The following MTERF4 variants were observed in gnomAD, a reference collection of about 807,000 sequenced individuals.
MTERF4 encodes mitochondrial transcription termination factor 4.
Under a neutral mutation model 22.5 loss-of-function variants are expected in MTERF4, and 17 were observed. The ratio of observed to expected loss-of-function variants is 0.75; its 90% CI spans 0.52 to 1.13. The LOEUF is 1.13. Ranked by LOEUF, MTERF4 falls within the 50% of genes most tolerant of loss-of-function variation. The pLI is 0.00. For synonymous variants in MTERF4, 165 were observed against 175.3 expected, an observed-to-expected ratio of 0.94 and a Z score of 0.47; for missense variants, 420 against 466.8, an observed-to-expected ratio of 0.90 and a Z score of 0.92.
chr2:241,073,416 G>C lies in MTERF4; in HGVS notation n.2746C>G. On this transcript the variant is annotated non_coding_transcript_exon_variant, in exon 5 of 5. Coordinates refer to the MTERF4 transcript ENST00000464344. This position sits in a 1 kb window ranked among gnomAD's most constrained non-coding sequence, Gnocchi z 6.6. ...TTGGGACTGACTGACTGCTCTCAGG[G>C]GCCTTAGAGGCTGCAGGCAGGAGGG... is the stretch of plus-strand genomic sequence containing the variant. The C allele has an allele frequency of 7.0e-7, 1 of 1,427,632 alleles. No homozygotes were observed. The highest frequency in any genetic ancestry group is 9.7e-7 in the Non-Finnish European group (1 of 1,034,338). 88.4% of individuals were successfully genotyped at this position (1,427,632 alleles called of 1,614,324 possible). A position where few individuals can be genotyped will look rare whatever the true frequency, so the allele number is the denominator to read the frequency against.
chr2:241,063,370 G>T, the MTERF4 span: 6 of 589,014 alleles, frequency 1.0e-5, no homozygotes, highest in Non-Finnish European at 1.9e-5. Flanking sequence ...GGAAGGCATG[G>T]CCTGGAGGTG....
chr2:241,070,299 G>C, downstream of MTERF4: 2 of 1,289,096 alleles, frequency 1.6e-6, no homozygotes, highest in Admixed American at 5.0e-5. Context: ...TGGGATGCCA[G>C]GCAGACAGCC....
chr2:241,082,385 C>T (rs777303864), downstream of MTERF4: 10 of 1,581,836 alleles, frequency 6.3e-6, no homozygotes, highest in Admixed American at 3.3e-5. Flanking sequence ...TTCTGTCCTC[C>T]GCCTTACCGC....
At chr2:241,051,870 C>T in the MTERF4 span, 2 of 1,532,522 alleles carry the variant, frequency 1.3e-6, no homozygotes, top group Non-Finnish European at 1.8e-6. The surrounding 1 kb of genome is among the most constrained non-coding windows in gnomAD (Gnocchi z 4.7). Context: ...GGTGCGGCCC[C>T]CAGGGGCAGG....
exon 5 of MTERF4, chr2:241,074,148 G>A (rs923854590): frequency 2.8e-4 from 43 of 152,250 alleles, no homozygotes; most frequent in African/African-American, 1.0e-3. Flanking sequence ...CCTAGTACTT[G>A]GTAAAGGTGT....
At chr2:241,101,297 G>A (rs988034338) in intron 1 of MTERF4, 5 of 398,944 alleles carry the variant, frequency 1.3e-5, no homozygotes, top group Non-Finnish European at 2.7e-5. Flanking sequence ...ACCCCTCAAA[G>A]GCGCAGTTCA....
downstream of MTERF4, among the ~76,000 whole-genome samples, chr2:241,086,284 C>T (rs2063572084): frequency 6.6e-6 from 1 of 152,204 alleles, no homozygotes; most frequent in Non-Finnish European, 1.5e-5. Flanking sequence ...TATGCATGCA[C>T]AGCTTTATTT....
At chr2:241,055,543 G>A in the MTERF4 span, among the ~76,000 whole-genome samples, 3 of 152,178 alleles carry the variant, frequency 2.0e-5, no homozygotes, top group Non-Finnish European at 2.9e-5. Context: ...AATGTTAAAG[G>A]AACATCATGA....
At chr2:241,048,975 T>C in the MTERF4 span, 32,953 of 1,514,686 alleles carry the variant, frequency 0.022, 3,243 homozygotes, top group East Asian at 0.22. Flanking sequence ...CGAGGTCTGC[T>C]GGAAGACATG....
At chr2:241,053,285 G>A in the MTERF4 span, 1 of 1,600,560 alleles carries the variant, frequency 6.2e-7, no homozygotes, top group Admixed American at 1.7e-5. Context: ...ATCCGGGTCT[G>A]CCAGCCACAC....
chr2:241,082,422 A>C, downstream of MTERF4: 1 of 1,361,610 alleles, frequency 7.3e-7, no homozygotes, highest in Admixed American at 1.7e-5. Context: ...TGACTCCTCA[A>C]AGTGCTGTCT....
the MTERF4 span, among the ~76,000 whole-genome samples, chr2:241,052,683 GGGTC>G: frequency 4.7e-5 from 2 of 42,152 alleles, no homozygotes; most frequent in East Asian, 1.1e-3. Context: ...GCAGGTGAGA[GGGTC>G]GGCGGGGGGG....
At chr2:241,069,844 C>G, downstream of MTERF4, 1 of 1,522,792 alleles carries the variant, frequency 6.6e-7, no homozygotes, top group Non-Finnish European at 8.9e-7. This position sits in a 1 kb window ranked among gnomAD's most constrained non-coding sequence, Gnocchi z 4.9. Context: ...CAGCCCATGT[C>G]CGGTTCTCAA....
Position 241,096,543 on chromosome 2 carries a change from T to C in MTERF4, c.706-105A>G. 7.8e-7 allele frequency: 1 copy of C among 1,288,764 alleles called. No homozygotes were observed. Among genetic ancestry groups the C allele is most frequent in the Non-Finnish European group, 1.1e-6 (1 of 889,686 alleles). 79.8% of individuals were successfully genotyped at this position (1,288,764 alleles called of 1,614,324 possible). On this transcript the variant is annotated intron_variant, in intron 3 of 3. Transcript: ENST00000391980. This position sits in a 1 kb window ranked among gnomAD's most constrained non-coding sequence, Gnocchi z 5.1. ...TTGTACAAAAGGATTCAAAAAGAAT[T>C]GCCTAATTGACAACAGCGAATACCC...
downstream of MTERF4, chr2:241,087,275 TAGC>T: frequency 2.5e-6 from 2 of 797,272 alleles, no homozygotes; most frequent in Non-Finnish European, 4.0e-6. Context: ...ATTCAGAAAA[TAGC>T]AGTTTTTCCC....
downstream of MTERF4, among the ~76,000 whole-genome samples, chr2:241,085,034 C>A (rs1294865627): frequency 3.3e-5 from 5 of 151,996 alleles, no homozygotes. Context: ...TGTCTTCCTG[C>A]CCCTTTTATG....
the MTERF4 span, among the ~76,000 whole-genome samples, chr2:241,046,448 A>G: frequency 6.6e-6 from 1 of 152,240 alleles, no homozygotes. Context: ...GAACCTCTGT[A>G]TGGTGGAATA....
chr2:241,079,344 G>A (rs770753127), intron 4 of MTERF4, among the ~76,000 whole-genome samples: 16 of 151,312 alleles, frequency 1.1e-4, no homozygotes, highest in African/African-American at 1.9e-4. Context: ...CCCAGGAGGC[G>A]GAGCTTGCAG....
intron 1 of MTERF4, chr2:241,101,202 C>G: frequency 2.1e-6 from 1 of 466,552 alleles, no homozygotes; most frequent in South Asian, 1.6e-5. Flanking sequence ...GCTTGTTTTC[C>G]TACAACCAGG....
Sources: allele counts gnomAD v4.1 joint callset (sites outside exome capture counted in the v4.1 genomes callset), GRCh38; gene constraint gnomAD v4.1.1; non-coding constraint Gnocchi (gnomAD v3.1); transcripts MANE v1.5; gene names NCBI Gene and HGNC (gene_info 2026-07-23, HGNC 2026-07-21).